SPOCK1: variants seen among roughly 807,000 people sequenced by gnomAD.
The protein encoded by SPOCK1 is SPARC (osteonectin), cwcv and kazal like domains proteoglycan 1.
Under a neutral mutation model 55.3 loss-of-function variants are expected in SPOCK1, and 23 were observed. That is an observed-to-expected ratio of 0.42 (90% CI 0.30 to 0.59). SPOCK1 has a LOEUF of 0.59. Among genes scored for constraint, SPOCK1 ranks in the 20% least tolerant of loss-of-function variants. The pLI is 0.22. For missense variants in SPOCK1, 499 were observed against 552.5 expected (o/e 0.90, Z 0.97); for synonymous variants, 226 against 221.0 (o/e 1.02, Z -0.20).
At chr5:137,166,481 A>G (rs1477781185) in intron 3 of SPOCK1, among the ~76,000 whole-genome samples, 1 of 152,118 alleles carries the variant, frequency 6.6e-6, no homozygotes, top group Non-Finnish European at 1.5e-5. Flanking sequence ...ATCTGAAGGT[A>G]CAAAATTCAC....
At chr5:137,306,327 T>C (rs904137754) in intron 2 of SPOCK1, among the ~76,000 whole-genome samples, 1 of 152,188 alleles carries the variant, frequency 6.6e-6, no homozygotes, top group South Asian at 2.1e-4. Flanking sequence ...TCTCATCCAA[T>C]AGGAGTGTCC....
intron 5 of SPOCK1, among the ~76,000 whole-genome samples, chr5:137,097,790 AC>A (rs1218687798): frequency 3.3e-5 from 5 of 152,206 alleles, no homozygotes; most frequent in Admixed American, 3.3e-4. Flanking sequence ...TGCATCTGCC[AC>A]ATTGGGTGCT....
intron 7 of SPOCK1, 108 bp downstream of exon 7, chr5:136,992,376 C>T: frequency 1.1e-6 from 1 of 875,196 alleles, no homozygotes; most frequent in South Asian, 2.1e-5. Flanking sequence ...TATTTAAAGT[C>T]AAAGTATATA....
At position 136,988,657 on chromosome 5, in the gene SPOCK1, G is replaced by A. The variant is rs1750889113; in HGVS notation, c.707-14C>T. 6.2e-7 allele frequency: 1 copy of A among 1,604,608 alleles called. No individual in the cohort carries two copies. The highest frequency in any genetic ancestry group is 1.3e-5 in the African/African-American group (1 of 74,920). ...TAGTGTCAAACCCTGCCAAACAAAAGGCATATCTCAGCTGCCACCAAGCCT... is the reference window on the plus strand; with the variant it reads ...TAGTGTCAAACCCTGCCAAACAAAAAGCATATCTCAGCTGCCACCAAGCCT... On this transcript the variant is annotated splice_polypyrimidine_tract_variant and intron_variant, in intron 7 of 10. Coordinates refer to ENST00000394945, the MANE Select transcript of SPOCK1 (RefSeq NM_004598.4).
At chr5:137,452,947 T>C (rs6877422) in intron 2 of SPOCK1, among the ~76,000 whole-genome samples, 4 of 152,210 alleles carry the variant, frequency 2.6e-5, no homozygotes, top group African/African-American at 9.6e-5. Context: ...CTAAGAATTT[T>C]CTAGGGCACT....
At chr5:137,036,894 T>A (rs1751895929) in intron 6 of SPOCK1, among the ~76,000 whole-genome samples, 1 of 152,064 alleles carries the variant, frequency 6.6e-6, no homozygotes, top group Non-Finnish European at 1.5e-5. Flanking sequence ...CGGTGAGCAG[T>A]TAGCAACAAT....
Position 137,221,677 on chromosome 5 carries a change from A to G in SPOCK1, c.232+45333T>C, listed in dbSNP as rs185159818. 3.3e-5 allele frequency among the ~76,000 whole-genome samples: 5 copies of G among 152,326 alleles called. No homozygotes were observed. The East Asian group carries it at 9.6e-4, about 29-fold the overall frequency. On this transcript the variant is annotated intron_variant, in intron 3 of 10. Coordinates refer to ENST00000394945, the MANE Select transcript of SPOCK1 (RefSeq NM_004598.4). ...AAATATCAGAACCATTCATTATGAT[A>G]TGTGTTTAGACTGTAACTAAGTTCA...
At chr5:137,240,806 A>C (rs1316598416) in intron 3 of SPOCK1, among the ~76,000 whole-genome samples, 1 of 152,260 alleles carries the variant, frequency 6.6e-6, no homozygotes, top group Non-Finnish European at 1.5e-5. Flanking sequence ...CATATCAGAC[A>C]GTATAACATT....
intron 3 of SPOCK1, among the ~76,000 whole-genome samples, chr5:137,162,981 T>C (rs985166593): frequency 6.6e-6 from 1 of 152,204 alleles, no homozygotes; most frequent in Admixed American, 6.5e-5. Context: ...AAGGGAAGGC[T>C]GACTTTTCCA....
At chr5:137,476,992 CA>C (rs796976347) in intron 2 of SPOCK1, among the ~76,000 whole-genome samples, 24 of 152,104 alleles carry the variant, frequency 1.6e-4, no homozygotes, top group African/African-American at 5.1e-4. Context: ...AAATATATGC[CA>C]AGGAAATAAT....
intron 2 of SPOCK1, among the ~76,000 whole-genome samples, chr5:137,429,275 T>C (rs1452174009): frequency 6.6e-6 from 1 of 152,174 alleles, no homozygotes; most frequent in East Asian, 1.9e-4. Flanking sequence ...CAAAACATAA[T>C]CCCACAGAAA....
chr5:137,113,691 GA>G (rs1406142970), intron 4 of SPOCK1, among the ~76,000 whole-genome samples: 1 of 152,168 alleles, frequency 6.6e-6, no homozygotes, highest in African/African-American at 2.4e-5. Flanking sequence ...TGCAAAATAG[GA>G]AGCAGTAAAA....
chr5:137,211,415 G>A (rs887851939), intron 3 of SPOCK1, among the ~76,000 whole-genome samples: 1 of 152,172 alleles, frequency 6.6e-6, no homozygotes. Context: ...TTTGGTCTCG[G>A]CCCCTGGTTT....
intron 2 of SPOCK1, among the ~76,000 whole-genome samples, chr5:137,324,101 A>G (rs1465108513): frequency 1.5e-5 from 2 of 135,074 alleles, no homozygotes; most frequent in African/African-American, 6.5e-5. Flanking sequence ...TGAATGGATA[A>G]GTAAGATGTG....
intron 2 of SPOCK1, among the ~76,000 whole-genome samples, chr5:137,301,229 T>C (rs1459123034): frequency 6.6e-6 from 1 of 152,204 alleles, no homozygotes; most frequent in Non-Finnish European, 1.5e-5. Flanking sequence ...TCTGCTATAC[T>C]CACACCTGCA....
At chr5:137,373,243 C>A (rs1358091861) in intron 2 of SPOCK1, among the ~76,000 whole-genome samples, 3 of 152,220 alleles carry the variant, frequency 2.0e-5, no homozygotes, top group Non-Finnish European at 4.4e-5. Context: ...CTGCTACCAA[C>A]TGTACTGTGA....
chr5:137,450,434 G>A (rs1753231154), intron 2 of SPOCK1, among the ~76,000 whole-genome samples: 1 of 151,996 alleles, frequency 6.6e-6, no homozygotes, highest in Admixed American at 6.6e-5. Context: ...CAAAAATGGG[G>A]GCAGGTGCAT....
intron 6 of SPOCK1, among the ~76,000 whole-genome samples, chr5:136,996,213 T>C (rs1751037291): frequency 6.6e-6 from 1 of 152,168 alleles, no homozygotes; most frequent in South Asian, 2.1e-4. Flanking sequence ...ACTTAGTACA[T>C]TCCTAGGGAA....
At chr5:137,345,093 A>T (rs1350829302) in intron 2 of SPOCK1, among the ~76,000 whole-genome samples, 2 of 152,230 alleles carry the variant, frequency 1.3e-5, no homozygotes, top group Non-Finnish European at 2.9e-5. Flanking sequence ...ATCAATATTT[A>T]AAAAGAATGC....
Sources: allele counts gnomAD v4.1 joint callset (sites outside exome capture counted in the v4.1 genomes callset), GRCh38; gene constraint gnomAD v4.1.1; transcripts MANE v1.5; gene names NCBI Gene and HGNC (gene_info 2026-07-23, HGNC 2026-07-21).